Variants in INO80 observed in about 807,000 individuals in gnomAD.
INO80 encodes the protein chromatin-remodeling ATPase INO80.
Under a neutral mutation model 203.4 loss-of-function variants are expected in INO80, and 20 were observed. That is an observed-to-expected ratio of 0.10 (90% CI 0.07 to 0.14). The LOEUF is 0.14. INO80 is among the 10% of genes least tolerant of loss of function. The pLI is 1.00. For missense variants in INO80, 1,419 were observed against 1,914.4 expected, an observed-to-expected ratio of 0.74 and a Z score of 4.83; for synonymous variants, 726 against 685.2, an observed-to-expected ratio of 1.06 and a Z score of -0.93.
chr15:41,102,918 G>A lies in INO80; in HGVS notation c.-43-6565C>T, dbSNP rs184775627. The stretch of plus-strand genomic sequence containing the variant: ...CCAAAGTTCTGTCATCTATTCCTAC[G>A]CCTTAGAAAATCTCATCTTCTACCA... On this transcript the variant is annotated intron_variant, in intron 1 of 35. Transcript: ENST00000648947. Among the ~76,000 whole-genome samples, 412 of 152,070 alleles carry A rather than the reference G, an allele frequency of 2.7e-3. 3 individuals carry two copies. Among genetic ancestry groups the A allele is most frequent in the South Asian group, 0.013 (62 of 4,826 alleles).
intron 27 of INO80, among the ~76,000 whole-genome samples, chr15:41,007,822 A>T (rs779966858): frequency 6.6e-6 from 1 of 151,832 alleles, no homozygotes; most frequent in African/African-American, 2.4e-5. Flanking sequence ...GGCTGAATAG[A>T]GCGACATCTA....
intron 27 of INO80, among the ~76,000 whole-genome samples, chr15:41,010,423 T>C (rs1274491337): frequency 2.6e-5 from 4 of 152,170 alleles, no homozygotes; most frequent in African/African-American, 9.7e-5. Flanking sequence ...TTTTAGATTT[T>C]TAATTTTCAT....
rs1893749100 is a variant in INO80 at position 40,979,821 on chromosome 15, T to C, written c.*402A>G. The C allele has an allele frequency of 4.5e-6, 1 of 223,424 alleles. No individual in the cohort carries two copies. Among genetic ancestry groups the C allele is most frequent in the Non-Finnish European group, 9.0e-6 (1 of 110,734 alleles). The allele number at this position is 223,424 out of a possible 1,614,324, so 13.8% of individuals were successfully genotyped here. A position where few individuals can be genotyped will look rare whatever the true frequency, so the allele number is the denominator to read the frequency against. ...AAATCACACTCTTAAGAGAAATCTC[T>C]ACCATGGAAGGCTCTTCACAGCACC... On this transcript the variant is annotated 3_prime_UTR_variant, in exon 36 of 36. Coordinates refer to ENST00000648947, the MANE Select transcript of INO80 (RefSeq NM_017553.3).
At chr15:41,092,838 C>T (rs2045664887) in intron 4 of INO80, among the ~76,000 whole-genome samples, 1 of 152,124 alleles carries the variant, frequency 6.6e-6, no homozygotes, top group Admixed American at 6.6e-5. Context: ...ATGAGGATTG[C>T]TTGAGGCCGG....
chr15:40,979,927 G>T lies in INO80; in HGVS notation c.*296C>A. ...CAGTATGCCTGAGCATCTAAAGGGG[G>T]TCTGTGTCAGGCTTGCCCCGTGAGA... On this transcript the variant is annotated 3_prime_UTR_variant, in exon 36 of 36. Coordinates refer to ENST00000648947, the MANE Select transcript of INO80 (RefSeq NM_017553.3). 1 of 426,972 alleles carries T rather than the reference G, an allele frequency of 2.3e-6. No homozygotes were observed. The highest frequency in any genetic ancestry group is 4.3e-6 in the Non-Finnish European group (1 of 230,982). 26.4% of individuals were successfully genotyped at this position (426,972 alleles called of 1,614,324 possible).
At chr15:41,039,847 C>T (rs1372776816) in intron 24 of INO80, among the ~76,000 whole-genome samples, 3 of 152,188 alleles carry the variant, frequency 2.0e-5, no homozygotes, top group Non-Finnish European at 4.4e-5. Context: ...ATAAACTGCT[C>T]ACATCGGTGG....
At chr15:41,001,795 CGTT>C (rs1245104373) in intron 28 of INO80, among the ~76,000 whole-genome samples, 5 of 152,120 alleles carry the variant, frequency 3.3e-5, no homozygotes, top group Non-Finnish European at 7.4e-5. Flanking sequence ...TTTTTATAGG[CGTT>C]GTTGTTTACT....
At chr15:41,097,113 G>A (rs140691518) in intron 1 of INO80, among the ~76,000 whole-genome samples, 6 of 152,038 alleles carry the variant, frequency 3.9e-5, no homozygotes, top group African/African-American at 7.2e-5. Context: ...TTTTTGAGAC[G>A]GAGTCTCGCT....
At chr15:41,032,192 T>C (rs1210068686) in intron 24 of INO80, among the ~76,000 whole-genome samples, 1 of 152,210 alleles carries the variant, frequency 6.6e-6, no homozygotes, top group African/African-American at 2.4e-5. Flanking sequence ...ACTACATGTT[T>C]TATTTAAAAT....
At chr15:41,094,009 C>T (rs566018520) in intron 4 of INO80, among the ~76,000 whole-genome samples, 4 of 152,064 alleles carry the variant, frequency 2.6e-5, no homozygotes, top group Non-Finnish European at 5.9e-5. Context: ...ACACATGAGC[C>T]TTTTGAAGGA....
At position 41,072,605 on chromosome 15, in the gene INO80, G is replaced by T. The variant is rs2045340235; in HGVS notation, c.1396-547C>A. ...GTGGTGGTGCGCACCTGTAGTCCCAGCTACTCAGGAGGGTGACAAAGCAAG... is the reference window on the plus strand; with the variant it reads ...GTGGTGGTGCGCACCTGTAGTCCCATCTACTCAGGAGGGTGACAAAGCAAG... On this transcript the variant is annotated intron_variant, in intron 11 of 35. Coordinates refer to ENST00000648947, the MANE Select transcript of INO80 (RefSeq NM_017553.3). Among the ~76,000 whole-genome samples the T allele has an allele frequency of 2.2e-5, 3 of 134,336 alleles. No individual in the cohort carries two copies. The Admixed American group carries it at 2.5e-4, about 11-fold the overall frequency. 88.1% of individuals were successfully genotyped at this position (134,336 alleles called of 152,430 possible).
At chr15:40,994,508 C>T (rs184148952) in intron 29 of INO80, among the ~76,000 whole-genome samples, 191 of 151,842 alleles carry the variant, frequency 1.3e-3, no homozygotes, top group African/African-American at 4.4e-3. Context: ...GGACTACAGG[C>T]GCCCACCACC....
rs1442124669 is a variant in INO80, at chr15:41,110,295, C to T, written c.-44+5678G>A. On this transcript the variant is annotated intron_variant, in intron 1 of 35. Transcript: ENST00000648947. ...AAGTAGCTGGGACTACAGGCACGTGCCAGCACACTCACCCAATTTTTGTGT... is the reference window on the plus strand; with the variant it reads ...AAGTAGCTGGGACTACAGGCACGTGTCAGCACACTCACCCAATTTTTGTGT... 1.1e-4 allele frequency among the ~76,000 whole-genome samples: 16 copies of T among 151,742 alleles called. No homozygotes were observed. In the East Asian group the frequency reaches 3.1e-3, roughly 30 times the overall value.
chr15:41,094,223 C>T (rs1555406983), intron 4 of INO80, among the ~76,000 whole-genome samples: 1 of 152,188 alleles, frequency 6.6e-6, no homozygotes, highest in Non-Finnish European at 1.5e-5. Flanking sequence ...CAGTAAAACA[C>T]GAACTCCTTA....
intron 24 of INO80, among the ~76,000 whole-genome samples, chr15:41,031,986 A>G (rs1214361727): frequency 2.2e-5 from 2 of 89,960 alleles, no homozygotes; most frequent in Non-Finnish European, 2.5e-5. Flanking sequence ...AGCACAGCAC[A>G]GCACAGCACA....
chr15:41,089,712 G>A (rs1474685521), intron 5 of INO80, among the ~76,000 whole-genome samples: 1 of 150,636 alleles, frequency 6.6e-6, no homozygotes, highest in Non-Finnish European at 1.5e-5. Flanking sequence ...CATTGCACTC[G>A]AGCCTGGGCA....
chr15:41,077,225 T>A (rs1172781879), intron 9 of INO80, among the ~76,000 whole-genome samples: 2 of 151,298 alleles, frequency 1.3e-5, no homozygotes, highest in Admixed American at 6.6e-5. Flanking sequence ...TTTATTTTTT[T>A]TTTTTTCCAA....
intron 27 of INO80, among the ~76,000 whole-genome samples, chr15:41,009,273 G>C (rs2044098004): frequency 6.8e-6 from 1 of 146,626 alleles, no homozygotes; most frequent in Non-Finnish European, 1.5e-5. Context: ...GGGTACATGT[G>C]CACAATGTGC....
chr15:41,103,317 C>T (rs982382059), intron 1 of INO80, among the ~76,000 whole-genome samples: 11 of 152,178 alleles, frequency 7.2e-5, no homozygotes, highest in African/African-American at 2.7e-4. Flanking sequence ...AATTGACTTT[C>T]CCACCTCCAG....
Sources: allele counts gnomAD v4.1 joint callset (sites outside exome capture counted in the v4.1 genomes callset), GRCh38; gene constraint gnomAD v4.1.1; transcripts MANE v1.5; gene names NCBI Gene and HGNC (gene_info 2026-07-23, HGNC 2026-07-21).